Variants in NKAIN1 observed in about 807,000 individuals in gnomAD.
NKAIN1 encodes sodium/potassium transporting ATPase interacting 1, also known as sodium/potassium-transporting ATPase subunit beta-1-interacting protein 1.
A neutral mutation model predicts 31.6 loss-of-function variants in NKAIN1; 13 were observed. The ratio of observed to expected loss-of-function variants is 0.41; its 90% CI spans 0.27 to 0.65. The LOEUF (loss-of-function observed/expected upper bound fraction) is 0.65, where lower values mean the gene tolerates loss of function less well. Ranked by LOEUF, NKAIN1 falls within the 30% of genes least tolerant of loss-of-function variation. The pLI is 0.30. For missense variants in NKAIN1, 193 were observed against 262.2 expected (o/e 0.74, Z 1.82); for synonymous variants, 104 against 109.0 (o/e 0.95, Z 0.28).
At position 31,231,230 on chromosome 1, in the gene NKAIN1, T is replaced by C. The variant is rs116397494; in HGVS notation, c.54+8264A>G. Among the ~76,000 whole-genome samples, 435 of 152,170 alleles carry C rather than the reference T, an allele frequency of 2.9e-3. 2 individuals carry two copies. Among genetic ancestry groups the C allele is most frequent in the African/African-American group, 0.01 (431 of 41,508 alleles). On this transcript the variant is annotated intron_variant, in intron 1 of 6. Transcript: ENST00000373736. ...AATTTCGTTGACTGTAGTCACACTG[T>C]TGTGCTATCAAAGACAAGATTTATT... is the stretch of plus-strand genomic sequence containing the variant.
chr1:31,191,063 G>A (rs372981602), intron 1 of NKAIN1, among the ~76,000 whole-genome samples: 12 of 152,292 alleles, frequency 7.9e-5, no homozygotes, highest in East Asian at 1.9e-4. Flanking sequence ...GGCCAAGGTC[G>A]GCGGACCACT....
intron 1 of NKAIN1, among the ~76,000 whole-genome samples, chr1:31,195,027 T>G (rs1316161477): frequency 1.3e-5 from 2 of 151,864 alleles, no homozygotes; most frequent in African/African-American, 4.8e-5. Flanking sequence ...CGCCGCAGCC[T>G]CCCAAAGTGT....
intron 1 of NKAIN1, among the ~76,000 whole-genome samples, chr1:31,236,118 T>C (rs753720554): frequency 3.3e-5 from 5 of 152,162 alleles, no homozygotes; most frequent in Non-Finnish European, 7.3e-5. Context: ...CAAAACTATG[T>C]GGCTCAGAGA....
chr1:31,204,409 A>T (rs539699637), intron 1 of NKAIN1, among the ~76,000 whole-genome samples: 75 of 151,932 alleles, frequency 4.9e-4, no homozygotes, highest in African/African-American at 1.8e-3. Context: ...CTCTCCCAGG[A>T]CTCCCATCTT....
In NKAIN1 at chr1:31,196,512, CAA is replaced by C. The variant is rs58194598; in HGVS notation, c.55-8327_55-8326del. Among the ~76,000 whole-genome samples the C allele has an allele frequency of 2.3e-4, 21 of 91,356 alleles. 1 individual carries two copies. In the East Asian group the frequency reaches 3.3e-3, roughly 14 times the overall value. 59.9% of individuals were successfully genotyped at this position (91,356 alleles called of 152,430 possible). A position where few individuals can be genotyped will look rare whatever the true frequency, so the allele number is the denominator to read the frequency against. On this transcript the variant is annotated intron_variant, in intron 1 of 6. Coordinates refer to ENST00000373736, the MANE Select transcript of NKAIN1 (RefSeq NM_024522.3). The stretch of plus-strand genomic sequence containing the variant: ...TGGGCAACAGAGTGAGACTCCTACT[CAA>C]AAAAAAAAAAAAAAATAGAAAAATT...
chr1:31,189,661 G>C (rs1645271046), intron 1 of NKAIN1, among the ~76,000 whole-genome samples: 1 of 152,212 alleles, frequency 6.6e-6, no homozygotes, highest in Non-Finnish European at 1.5e-5. Flanking sequence ...TGTCCACATG[G>C]CTTGAGTGGG....
intron 1 of NKAIN1, among the ~76,000 whole-genome samples, chr1:31,230,653 T>A (rs1411494208): frequency 5.9e-5 from 9 of 152,190 alleles, no homozygotes. Flanking sequence ...GGGACTTGGC[T>A]TCCTGGGCCT....
intron 1 of NKAIN1, among the ~76,000 whole-genome samples, chr1:31,230,408 T>A (rs1645638755): frequency 6.6e-6 from 1 of 152,234 alleles, no homozygotes; most frequent in Non-Finnish European, 1.5e-5. Context: ...GCCCGGGTTC[T>A]TCCCAGTTCC....
intron 3 of NKAIN1, 49 bp from the exon 4 acceptor site, chr1:31,184,063 G>A: frequency 1.3e-6 from 2 of 1,528,166 alleles, no homozygotes; most frequent in South Asian, 2.3e-5. Flanking sequence ...GAGGGAGGGG[G>A]GAGCTACTCC....
At chr1:31,201,397 C>T (rs1323297982) in intron 1 of NKAIN1, among the ~76,000 whole-genome samples, 13 of 141,400 alleles carry the variant, frequency 9.2e-5, no homozygotes, top group Admixed American at 2.3e-4. Context: ...CTCTCTCTGT[C>T]GCCGAGGCTG....
At chr1:31,213,085 A>C (rs1645483347) in intron 1 of NKAIN1, among the ~76,000 whole-genome samples, 2 of 148,822 alleles carry the variant, frequency 1.3e-5, no homozygotes, top group African/African-American at 4.9e-5. Context: ...AAAGGGTACT[A>C]TCAAGAAAGT....
At chr1:31,201,403 G>A (rs1201005547) in intron 1 of NKAIN1, among the ~76,000 whole-genome samples, 3 of 147,148 alleles carry the variant, frequency 2.0e-5, no homozygotes, top group Non-Finnish European at 3.0e-5. Context: ...CTGTCGCCGA[G>A]GCTGGAGTGC....
chr1:31,213,579 A>G (rs2148360261), intron 1 of NKAIN1, among the ~76,000 whole-genome samples: 1 of 152,352 alleles, frequency 6.6e-6, no homozygotes. Flanking sequence ...CTAGGTATAT[A>G]CACCTGAGAA....
chr1:31,203,473 C>A (rs2148356387), intron 1 of NKAIN1, among the ~76,000 whole-genome samples: 1 of 151,812 alleles, frequency 6.6e-6, no homozygotes, highest in African/African-American at 2.4e-5. Context: ...TCACGCATAA[C>A]AACAAAACAA....
At position 31,183,877 on chromosome 1, in the gene NKAIN1, G is replaced by T; in HGVS notation, c.411C>A (p.Gly137=). 2.5e-6 allele frequency: 4 copies of T among 1,614,156 alleles called. No homozygotes were observed. Among genetic ancestry groups the T allele is most frequent in the Non-Finnish European group, 3.4e-6 (4 of 1,180,042 alleles). ...LEDHHVISVT[G]CLLDYPYIEA... The stretch of plus-strand genomic sequence containing the variant: ...CAATGTAGGGGTAGTCAAGCAGGCA[G>T]CCAGTGACAGAGATGACATGGTGGT... The change falls in exon 4 of 7, where the codon GGC becomes GGA. Residue 137 remains glycine (G), a synonymous_variant. Transcript: ENST00000373736.
intron 1 of NKAIN1, among the ~76,000 whole-genome samples, chr1:31,200,116 C>G (rs1324584478): frequency 3.3e-5 from 5 of 152,370 alleles, no homozygotes; most frequent in Non-Finnish European, 5.9e-5. Flanking sequence ...CGCACGCACA[C>G]CCCTCTCTCC....
intron 4 of NKAIN1, among the ~76,000 whole-genome samples, chr1:31,183,270 T>G (rs1215908310): frequency 6.6e-6 from 1 of 152,050 alleles, no homozygotes; most frequent in Non-Finnish European, 1.5e-5. Context: ...GTGGGTGTAT[T>G]GAGCACTTAA....
In NKAIN1 at chr1:31,181,112, C is replaced by T. The variant is rs1447554225; in HGVS notation, c.*591G>A. ...AATGAGAATTTTAATCCCAGTCTAG[C>T]TCAGGGAATTGAGTTAAATGAGAAG... On this transcript the variant is annotated 3_prime_UTR_variant, in exon 7 of 7. Transcript: ENST00000373736. 2 of 152,328 alleles carry T rather than the reference C, an allele frequency of 1.3e-5. No individual in the cohort carries two copies. Among genetic ancestry groups the T allele is most frequent in the Non-Finnish European group, 1.5e-5 (1 of 68,146 alleles). 9.4% of individuals were successfully genotyped at this position (152,328 alleles called of 1,614,324 possible).
At chr1:31,185,422 CA>C (rs998085577) in intron 2 of NKAIN1, 95 bp from the exon 3 acceptor site, 1 of 975,184 alleles carries the variant, frequency 1.0e-6, no homozygotes, top group African/African-American at 1.6e-5. Flanking sequence ...GAGATCTGGG[CA>C]GGGGAAATTA....
Sources: gnomAD v4.1 joint callset for allele counts (sites outside exome capture counted in the v4.1 genomes callset) on GRCh38, gnomAD v4.1.1 for gene constraint, MANE v1.5 for transcripts, NCBI Gene and HGNC (gene_info 2026-07-23, HGNC 2026-07-21) for gene names.